Variants in CFAP54 observed in about 807,000 individuals in gnomAD.
The protein encoded by CFAP54 is cilia- and flagella-associated protein 54.
A neutral mutation model predicts 370.4 loss-of-function variants in CFAP54; 290 were observed. The observed-to-expected ratio is 0.78, with a 90% CI of 0.71 to 0.86. The LOEUF is 0.86. CFAP54 is among the 40% of genes least tolerant of loss of function. The pLI, the probability that CFAP54 is intolerant of heterozygous loss-of-function variation, is 0.00. For missense variants in CFAP54, 3,399 were observed against 3,528.7 expected (o/e 0.96, Z 0.93); for synonymous variants, 1,206 against 1,236.5 (o/e 0.98, Z 0.52).
intron 17 of CFAP54, 142 bp from the exon 18 acceptor site, chr12:96,564,326 A>T (rs905184140): frequency 6.1e-6 from 3 of 490,302 alleles, no homozygotes; most frequent in Non-Finnish European, 1.1e-5. Flanking sequence ...TAGTAGATTT[A>T]TATGAATTTT....
intron 2 of CFAP54, chr12:96,501,312 A>C (rs1592816072): frequency 6.2e-6 from 1 of 161,384 alleles, no homozygotes; most frequent in Non-Finnish European, 1.4e-5. Flanking sequence ...GGCCTTGCCC[A>C]GTGGTCAACC....
At chr12:96,732,661 A>C (rs1480351463) in intron 50 of CFAP54, among the ~76,000 whole-genome samples, 1 of 152,158 alleles carries the variant, frequency 6.6e-6, no homozygotes, top group Non-Finnish European at 1.5e-5. Flanking sequence ...TTGGGTTCTC[A>C]ATAATTTTTA....
At chr12:96,833,510 G>A (rs779730420) in intron 66 of CFAP54, among the ~76,000 whole-genome samples, 2 of 12,956 alleles carry the variant, frequency 1.5e-4, no homozygotes, top group African/African-American at 2.3e-4. Flanking sequence ...ACGCGTACGT[G>A]TGTGTGTGTG....
chr12:96,680,886 C>G (rs1025709212), intron 40 of CFAP54, among the ~76,000 whole-genome samples: 9 of 152,116 alleles, frequency 5.9e-5, no homozygotes, highest in African/African-American at 1.9e-4. Flanking sequence ...GAGTTAGAGA[C>G]CAGCCTGGCC....
At chr12:96,860,991 C>T (rs1959866706) in intron 67 of CFAP54, 39 bp downstream of exon 67, 2 of 1,404,134 alleles carry the variant, frequency 1.4e-6, no homozygotes, top group East Asian at 2.7e-5. Flanking sequence ...TGTTTCTCTT[C>T]ATTTGAGCTA....
chr12:96,691,563 T>G (rs1957388704), intron 44 of CFAP54, among the ~76,000 whole-genome samples: 1 of 152,178 alleles, frequency 6.6e-6, no homozygotes, highest in African/African-American at 2.4e-5. Context: ...TTTTCTTAAG[T>G]TAGTTGGTGA....
chr12:96,528,177 T>G lies in CFAP54; in HGVS notation c.1357+733T>G, dbSNP rs549938130. Among the ~76,000 whole-genome samples the G allele has an allele frequency of 1.9e-4, 29 of 152,356 alleles. No individual in the cohort carries two copies. In the South Asian group the frequency reaches 5.8e-3, roughly 30 times the overall value. On this transcript the variant is annotated intron_variant, in intron 9 of 67. Transcript: ENST00000524981. Reference sequence around the variant, plus strand: ...TGAGATATCTACAGAATAATTTTTATAGATACCCTTTTGCAGATCACAGAT... The same window carrying G: ...TGAGATATCTACAGAATAATTTTTAGAGATACCCTTTTGCAGATCACAGAT...
intron 63 of CFAP54, among the ~76,000 whole-genome samples, chr12:96,795,819 T>C (rs1958755599): frequency 1.3e-5 from 2 of 152,138 alleles, no homozygotes; most frequent in Non-Finnish European, 1.5e-5. Flanking sequence ...AAACTTTATA[T>C]TTGGTTGAAA....
At chr12:96,498,672 A>T (rs144654724) in intron 1 of CFAP54, among the ~76,000 whole-genome samples, 216 of 152,304 alleles carry the variant, frequency 1.4e-3, no homozygotes, top group African/African-American at 5.0e-3. Context: ...ATAAAAAATA[A>T]ACTCCTAGTA....
At chr12:96,874,545 C>T (rs1293217619) in intron 67 of CFAP54, among the ~76,000 whole-genome samples, 1 of 151,532 alleles carries the variant, frequency 6.6e-6, no homozygotes, top group Admixed American at 6.6e-5. Context: ...CCTTATTACA[C>T]TCACTCAGGT....
In CFAP54 at chr12:96,798,056, G is replaced by A. The variant is rs74797634; in HGVS notation, c.8850+5557G>A. Among the ~76,000 whole-genome samples the A allele has an allele frequency of 9.6e-3, 1,454 of 151,958 alleles. 57 individuals are homozygous for A. The East Asian group carries it at 0.1, about 11-fold the overall frequency. The stretch of plus-strand genomic sequence containing the variant: ...AACTTATTAAAATCTACATTGATGT[G>A]TATTTACTCCCCTAATGACTTACAT... On this transcript the variant is annotated intron_variant, in intron 63 of 67. Transcript: ENST00000524981.
chr12:96,599,964 G>A (rs1460881728), intron 26 of CFAP54, among the ~76,000 whole-genome samples: 6 of 151,938 alleles, frequency 3.9e-5, no homozygotes, highest in East Asian at 1.9e-4. Flanking sequence ...TTGCCTGTTC[G>A]CTCTGATGAT....
chr12:96,671,779 GGGC>G (rs1331794082), intron 39 of CFAP54, among the ~76,000 whole-genome samples: 2 of 152,010 alleles, frequency 1.3e-5, no homozygotes, highest in Non-Finnish European at 2.9e-5. Context: ...AAACTTAGCT[GGGC>G]GTGGTGGCAG....
At chr12:96,827,068 A>ATGCAATTTTATGTGATTATATATAATG (rs1959125490) in intron 65 of CFAP54, among the ~76,000 whole-genome samples, 1 of 113,442 alleles carries the variant, frequency 8.8e-6, no homozygotes, top group African/African-American at 4.4e-5. Context: ...TATATATAAT[A>ATGCAATTTTATGTGATTATATATAATG]TGCAATTATA....
rs1956024927 is a variant in CFAP54, at chr12:96,580,701, T to G, written c.2889+12T>G. ...ATTCAGGAGAAGCGGTACGTCAAAT[T>G]AAACATCAGGAAATCTTACTGAAGC... On this transcript the variant is annotated intron_variant, in intron 21 of 67. Transcript: ENST00000524981. 1 of 1,445,862 alleles carries G rather than the reference T, an allele frequency of 6.9e-7. No individual in the cohort carries two copies. The highest frequency in any genetic ancestry group is 1.4e-5 in the African/African-American group (1 of 70,680). The allele number at this position is 1,445,862 out of a possible 1,614,324, so 89.6% of individuals were successfully genotyped here. A position where few individuals can be genotyped will look rare whatever the true frequency, so the allele number is the denominator to read the frequency against.
intron 31 of CFAP54, 102 bp downstream of exon 31, chr12:96,630,306 A>C (rs1470159314): frequency 2.6e-5 from 16 of 609,968 alleles, no homozygotes; most frequent in Middle Eastern, 4.5e-4. Context: ...ATGAAACAGA[A>C]GGATATACTA....
At position 96,742,493 on chromosome 12, in the gene CFAP54, C is replaced by T. The variant is rs377145159; in HGVS notation, c.7126C>T (p.Arg2376Ter). The part of the protein sequence containing the change: ...EFLDPISLNA[R>*]EYFNIHLWLR... ...TTTAGATCCTATTTCCCTAAATGCC[C>T]GAGAATATTTCAACATTCATCTGTG... is the stretch of plus-strand genomic sequence containing the variant. Residue 2376 changes from arginine (R) to a stop codon, truncating the protein, a stop_gained, in exon 52 of 68, where the codon CGA becomes TGA. Coordinates refer to ENST00000524981, the MANE Select transcript of CFAP54 (RefSeq NM_001306084.2). LOFTEE classifies it high-confidence loss of function. The T allele has an allele frequency of 8.7e-6, 14 of 1,610,424 alleles. No homozygotes were observed. The highest frequency in any genetic ancestry group is 5.4e-5 in the African/African-American group (4 of 74,750).
At chr12:96,775,321 C>T (rs575877969) in intron 60 of CFAP54, among the ~76,000 whole-genome samples, 6 of 152,068 alleles carry the variant, frequency 3.9e-5, no homozygotes, top group Admixed American at 1.3e-4. Flanking sequence ...CCCAGCTACT[C>T]GGGAGGCTGA....
Position 96,743,673 on chromosome 12 carries a change from C to A in CFAP54, c.7378-58C>A, listed in dbSNP as rs1050861198. ...AATGCATAACAATTAACATGTCCAG[C>A]TCTTGTTTCAGTGAATTGGAAACAG... On this transcript the variant is annotated intron_variant, in intron 53 of 67. Transcript: ENST00000524981. The A allele has an allele frequency of 1.9e-6, 3 of 1,551,166 alleles. No homozygotes were observed. In the African/African-American group the frequency reaches 4.2e-5, roughly 21 times the overall value.
Sources: allele counts gnomAD v4.1 joint callset (sites outside exome capture counted in the v4.1 genomes callset), GRCh38; gene constraint gnomAD v4.1.1; transcripts MANE v1.5; gene names NCBI Gene and HGNC (gene_info 2026-07-23, HGNC 2026-07-21).